The following UNC13C variants were observed in gnomAD, a reference collection of about 807,000 sequenced individuals.
UNC13C encodes unc-13 homolog C, also known as protein unc-13 homolog C.
A neutral mutation model predicts 245.4 loss-of-function variants in UNC13C; 174 were observed. That is an observed-to-expected ratio of 0.71 (90% CI 0.63 to 0.80). The LOEUF is 0.80. UNC13C is among the 30% of genes least tolerant of loss of function. UNC13C has a pLI of 0.00. For missense variants in UNC13C, 2,829 were observed against 2,602.9 expected (o/e 1.09, Z -1.89); for synonymous variants, 992 against 895.1 (o/e 1.11, Z -1.93).
chr15:53,935,201 G>A, the UNC13C span, among the ~76,000 whole-genome samples: 1 of 151,716 alleles, frequency 6.6e-6, no homozygotes, highest in African/African-American at 2.4e-5. Flanking sequence ...GAGGAGGAAG[G>A]GGCCACCCAT....
At chr15:54,095,033 G>GTA (rs1287054103) in intron 2 of UNC13C, among the ~76,000 whole-genome samples, 1 of 152,146 alleles carries the variant, frequency 6.6e-6, no homozygotes, top group African/African-American at 2.4e-5. Flanking sequence ...ACCCCACACA[G>GTA]ATTCTCACAC....
intron 18 of UNC13C, among the ~76,000 whole-genome samples, chr15:54,402,116 G>A (rs1427339058): frequency 2.0e-5 from 3 of 151,590 alleles, no homozygotes; most frequent in East Asian, 1.9e-4. Flanking sequence ...CTAGGTGAAC[G>A]GTTCATTTCC....
chr15:53,955,435 CTTG>C, the UNC13C span, among the ~76,000 whole-genome samples: 1 of 152,046 alleles, frequency 6.6e-6, no homozygotes, highest in African/African-American at 2.4e-5. Flanking sequence ...CTGCTGTATT[CTTG>C]TTATTTCATT....
chr15:54,215,786 A>G (rs1481216179), intron 4 of UNC13C, among the ~76,000 whole-genome samples: 4 of 151,986 alleles, frequency 2.6e-5, no homozygotes, highest in Admixed American at 6.6e-5. Flanking sequence ...TATTTCAACA[A>G]TCTTTGAGAC....
At chr15:54,222,011 A>G (rs910303251) in intron 4 of UNC13C, among the ~76,000 whole-genome samples, 3 of 152,082 alleles carry the variant, frequency 2.0e-5, no homozygotes, top group South Asian at 4.1e-4. Context: ...GATACATGAC[A>G]TATTTTGATA....
chr15:53,889,082 G>A, the UNC13C span, among the ~76,000 whole-genome samples: 28 of 152,214 alleles, frequency 1.8e-4, no homozygotes, highest in African/African-American at 6.7e-4. Flanking sequence ...TCCCAATTCT[G>A]TAAACAAAGT....
At chr15:54,342,426 A>G (rs532477964) in intron 17 of UNC13C, among the ~76,000 whole-genome samples, 1 of 152,130 alleles carries the variant, frequency 6.6e-6, no homozygotes, top group Admixed American at 6.5e-5. Flanking sequence ...TTAGCTGTGT[A>G]TGGTGGTATG....
chr15:54,288,782 C>G (rs368481162), intron 10 of UNC13C, among the ~76,000 whole-genome samples: 1 of 152,032 alleles, frequency 6.6e-6, no homozygotes, highest in Admixed American at 6.6e-5. Flanking sequence ...TTCCAGGAGA[C>G]GGGCTCTAAG....
intron 4 of UNC13C, among the ~76,000 whole-genome samples, chr15:54,165,449 A>G (rs2033130832): frequency 6.6e-6 from 1 of 152,136 alleles, no homozygotes; most frequent in Non-Finnish European, 1.5e-5. Flanking sequence ...TGCAATTTAC[A>G]GATGAGGAAA....
intron 2 of UNC13C, among the ~76,000 whole-genome samples, chr15:54,122,748 C>G (rs116316321): frequency 0.013 from 1,966 of 152,068 alleles, 50 homozygotes; most frequent in African/African-American, 0.045. Flanking sequence ...TTGCATCTAG[C>G]TTCTTTCAGT....
chr15:54,494,472 T>C (rs1235802631), intron 19 of UNC13C, 136 bp from the exon 20 acceptor site: 14 of 789,166 alleles, frequency 1.8e-5, no homozygotes, highest in Non-Finnish European at 2.3e-5. Context: ...GGTCAGCTTT[T>C]AGCAATTCAT....
intron 2 of UNC13C, among the ~76,000 whole-genome samples, chr15:54,060,450 T>C (rs1897762924): frequency 6.6e-6 from 1 of 152,134 alleles, no homozygotes; most frequent in African/African-American, 2.4e-5. Context: ...ATGGTGATCA[T>C]TAAAAAGTCA....
chr15:54,147,747 T>TA (rs1456548149), intron 4 of UNC13C, among the ~76,000 whole-genome samples: 1 of 147,914 alleles, frequency 6.8e-6, no homozygotes, highest in African/African-American at 2.5e-5. Context: ...CACAAGTCTA[T>TA]AAAACAGTGG....
At chr15:54,479,252 G>T (rs981277470) in intron 19 of UNC13C, among the ~76,000 whole-genome samples, 2 of 151,718 alleles carry the variant, frequency 1.3e-5, no homozygotes, top group African/African-American at 4.8e-5. Context: ...TATATATCTG[G>T]GTGCTTTGGT....
At chr15:54,510,524 T>C (rs1424291204) in intron 23 of UNC13C, among the ~76,000 whole-genome samples, 1 of 152,138 alleles carries the variant, frequency 6.6e-6, no homozygotes. Context: ...ATCTCAGATA[T>C]CTGTGTTAAA....
Position 54,567,960 on chromosome 15 carries a change from T to A in UNC13C, c.6106+13T>A. 6.6e-7 allele frequency: 1 copy of A among 1,516,566 alleles called. No individual in the cohort carries two copies. The highest frequency in any genetic ancestry group is 2.4e-5 in the East Asian group (1 of 42,478). The allele number at this position is 1,516,566 out of a possible 1,614,324, so 93.9% of individuals were successfully genotyped here. ...CAAACCTCACAGAGTAAGTAACACA[T>A]AGGACCTGAGAATAAGGTAAACTGA... On this transcript the variant is annotated intron_variant, in intron 30 of 32. Coordinates refer to ENST00000260323, the MANE Select transcript of UNC13C (RefSeq NM_001080534.3).
At chr15:54,608,305 C>A (rs1005214445) in intron 30 of UNC13C, among the ~76,000 whole-genome samples, 1 of 152,154 alleles carries the variant, frequency 6.6e-6, no homozygotes, top group Non-Finnish European at 1.5e-5. Flanking sequence ...ACCAGTGTCA[C>A]CTCATTTTGT....
At chr15:53,984,968 T>G (rs1012366905) in intron 1 of UNC13C, among the ~76,000 whole-genome samples, 11 of 152,082 alleles carry the variant, frequency 7.2e-5, no homozygotes, top group Non-Finnish European at 4.4e-5. Flanking sequence ...CTTTCTTTTT[T>G]TTTACTCTTT....
At chr15:54,436,016 A>C (rs190534102) in intron 19 of UNC13C, among the ~76,000 whole-genome samples, 30 of 152,208 alleles carry the variant, frequency 2.0e-4, no homozygotes, top group Admixed American at 5.9e-4. Context: ...AAGAAATGCA[A>C]ATAAAAACCA....
Sources: allele counts gnomAD v4.1 joint callset (sites outside exome capture counted in the v4.1 genomes callset), GRCh38; gene constraint gnomAD v4.1.1; transcripts MANE v1.5; gene names NCBI Gene and HGNC (gene_info 2026-07-23, HGNC 2026-07-21).